Variants in EML6 observed in about 807,000 individuals in gnomAD.
The protein encoded by EML6 is EMAP like 6.
Under a neutral mutation model 240.1 loss-of-function variants are expected in EML6, and 154 were observed. The ratio of observed to expected loss-of-function variants is 0.64; its 90% CI spans 0.56 to 0.73. The LOEUF (loss-of-function observed/expected upper bound fraction) is 0.73, where lower values mean the gene tolerates loss of function less well. Among genes scored for constraint, EML6 ranks in the 30% least tolerant of loss-of-function variants. EML6 has a pLI of 0.00. For missense variants in EML6, 2,964 were observed against 2,474.6 expected, an observed-to-expected ratio of 1.20 and a Z score of -4.20; for synonymous variants, 1,148 against 899.0, an observed-to-expected ratio of 1.28 and a Z score of -4.95.
In EML6 at chr2:54,964,109, A is replaced by T; in HGVS notation, c.5281A>T (p.Lys1761Ter). The part of the protein sequence containing the change: ...EFVILLVNSL[K>*]VWGKKRDRKS... ...TGTCATCTTGTTGGTGAACAGCCTG[A>T]AAGTTTGGGGGAAAAAACGAGACCG... The change falls in exon 37 of 42, where the codon AAA becomes TAA. Residue 1761 changes from lysine to a stop codon, truncating the protein, a stop_gained. Coordinates refer to ENST00000356458, the MANE Select transcript of EML6 (RefSeq NM_001039753.4). LOFTEE classifies it high-confidence loss of function. The T allele has an allele frequency of 6.4e-7, 1 of 1,551,728 alleles. No individual in the cohort carries two copies. The highest frequency in any genetic ancestry group is 2.0e-5 in the Admixed American group (1 of 51,008).
chr2:54,962,683 C>G lies in EML6; in HGVS notation c.5129C>G (p.Thr1710Arg). 6.6e-7 allele frequency: 1 copy of G among 1,505,648 alleles called. No homozygotes were observed. The highest frequency in any genetic ancestry group is 1.3e-5 in the South Asian group (1 of 76,576). The allele number at this position is 1,505,648 out of a possible 1,614,324, so 93.3% of individuals were successfully genotyped here. A position where few individuals can be genotyped will look rare whatever the true frequency, so the allele number is the denominator to read the frequency against. Residue 1710 changes from threonine (T) to arginine (R), a missense_variant, in exon 36 of 42, where the codon ACA (threonine) becomes AGA (arginine). By Grantham distance (71) the Thr-to-Arg change is moderately conservative. Transcript: ENST00000356458. ...DLFISASNDG[T>R]ARIWDLADKK... The stretch of plus-strand genomic sequence containing the variant: ...TTCATCTCTGCCAGCAACGATGGCA[C>G]AGCCCGGATCTGGGACCTGGCTGAC...
chr2:54,920,025 C>G (rs1322372577), intron 26 of EML6, among the ~76,000 whole-genome samples: 2 of 152,088 alleles, frequency 1.3e-5, no homozygotes, highest in Admixed American at 6.5e-5. Context: ...CTAATAGAAA[C>G]CCACAACCTA....
chr2:54,945,977 A>G (rs1391830286), intron 28 of EML6, among the ~76,000 whole-genome samples: 1 of 152,202 alleles, frequency 6.6e-6, no homozygotes, highest in East Asian at 1.9e-4. Flanking sequence ...ACTGAAGAGC[A>G]GGGCCGACTT....
chr2:54,813,073 A>G (rs1309852918), intron 2 of EML6, among the ~76,000 whole-genome samples, 159 bp from the exon 3 acceptor site: 6 of 152,220 alleles, frequency 3.9e-5, no homozygotes, highest in African/African-American at 1.4e-4. Flanking sequence ...TGAACATTTC[A>G]ATTAGTCAAA....
chr2:54,891,711 T>G (rs1672476473), intron 18 of EML6, among the ~76,000 whole-genome samples: 1 of 152,218 alleles, frequency 6.6e-6, no homozygotes, highest in Non-Finnish European at 1.5e-5. Context: ...TCAGCTTTGG[T>G]GCCAAGCCCT....
At chr2:54,825,782 C>T (rs543116389) in intron 5 of EML6, among the ~76,000 whole-genome samples, 32 of 152,250 alleles carry the variant, frequency 2.1e-4, no homozygotes, top group African/African-American at 7.2e-4. Flanking sequence ...ATCCTGGCCA[C>T]CTTGGGGGTA....
At chr2:54,802,469 AT>A (rs1397995447) in intron 2 of EML6, among the ~76,000 whole-genome samples, 1 of 151,930 alleles carries the variant, frequency 6.6e-6, no homozygotes, top group Non-Finnish European at 1.5e-5. Context: ...CTACAAAAAA[AT>A]AAAAAAATTA....
At chr2:54,950,414 A>G (rs1675914563) in intron 29 of EML6, among the ~76,000 whole-genome samples, 1 of 152,234 alleles carries the variant, frequency 6.6e-6, no homozygotes, top group African/African-American at 2.4e-5. Flanking sequence ...GGTTTTTTGG[A>G]AAGTCATGGT....
At chr2:54,744,944 A>G (rs909689425) in intron 2 of EML6, among the ~76,000 whole-genome samples, 21 of 131,802 alleles carry the variant, frequency 1.6e-4, no homozygotes, top group African/African-American at 5.0e-4. Flanking sequence ...ACACACACAC[A>G]CACACACACA....
intron 18 of EML6, 81 bp downstream of exon 18, chr2:54,891,235 C>G: frequency 3.0e-6 from 2 of 661,906 alleles, no homozygotes; most frequent in South Asian, 2.5e-5. Flanking sequence ...ACTGTTGCTA[C>G]TACCTCGCTT....
chr2:54,924,650 C>T (rs1001631681), intron 26 of EML6, among the ~76,000 whole-genome samples: 1 of 152,186 alleles, frequency 6.6e-6, no homozygotes, highest in Non-Finnish European at 1.5e-5. Flanking sequence ...CAACCTCTGT[C>T]TCCTGGGTTC....
At chr2:54,925,677 C>T (rs999058821) in intron 26 of EML6, among the ~76,000 whole-genome samples, 1 of 152,178 alleles carries the variant, frequency 6.6e-6, no homozygotes, top group Admixed American at 6.5e-5. Context: ...CACCTTGTCC[C>T]AACCTCCATG....
intron 10 of EML6, among the ~76,000 whole-genome samples, chr2:54,852,799 A>C (rs897468352): frequency 6.6e-6 from 1 of 152,204 alleles, no homozygotes; most frequent in African/African-American, 2.4e-5. Flanking sequence ...CTGAGAGAGA[A>C]GTTAGGTAAT....
intron 15 of EML6, 44 bp downstream of exon 15, chr2:54,869,411 T>A: frequency 7.2e-7 from 1 of 1,395,776 alleles, no homozygotes; most frequent in Non-Finnish European, 9.7e-7. Context: ...AAAGAGAATT[T>A]AATTTTTGAA....
In EML6 at chr2:54,827,583, A is replaced by C; in HGVS notation, c.543A>C (p.Gly181=). 1 of 1,551,652 alleles carries C rather than the reference A, an allele frequency of 6.4e-7. No individual in the cohort carries two copies. The change falls in exon 6 of 42, where the codon GGA becomes GGC. Residue 181 remains glycine, a synonymous_variant. Coordinates refer to ENST00000356458, the MANE Select transcript of EML6 (RefSeq NM_001039753.4). ...CATTGTAGTTTTGGACACTGTGTGG[A>C]AATGCCCTGACTGCAAAAAGAGGGA... ...VKHIKFWTLC[G]NALTAKRGIF...
Position 54,970,984 on chromosome 2 carries a change from A to T in EML6, c.*889A>T, listed in dbSNP as rs917526433. On this transcript the variant is annotated 3_prime_UTR_variant, in exon 42 of 42. Coordinates refer to ENST00000356458, the MANE Select transcript of EML6 (RefSeq NM_001039753.4). ...TAGAATTCAAGTTAAACAAACTTCT[A>T]CTACAAAATGGAAGGGGAAAAAGGC... 1 of 152,252 alleles carries T rather than the reference A, an allele frequency of 6.6e-6. No homozygotes were observed. Among genetic ancestry groups the T allele is most frequent in the Non-Finnish European group, 1.5e-5 (1 of 68,044 alleles). The allele number at this position is 152,252 out of a possible 1,614,324, so 9.4% of individuals were successfully genotyped here.
At chr2:54,957,131 A>C (rs1393609437) in intron 32 of EML6, among the ~76,000 whole-genome samples, 1 of 152,170 alleles carries the variant, frequency 6.6e-6, no homozygotes, top group Non-Finnish European at 1.5e-5. Flanking sequence ...CTTACAGGTA[A>C]GGAAACTAAA....
intron 2 of EML6, among the ~76,000 whole-genome samples, chr2:54,743,182 G>C (rs545037030): frequency 6.6e-6 from 1 of 152,336 alleles, no homozygotes; most frequent in South Asian, 2.1e-4. Flanking sequence ...ACCAGCCCTG[G>C]ACAGGACGCA....
At chr2:54,834,291 CT>C (rs1669021473) in intron 7 of EML6, among the ~76,000 whole-genome samples, 1 of 152,164 alleles carries the variant, frequency 6.6e-6, no homozygotes, top group African/African-American at 2.4e-5. Context: ...AGTCTGATCA[CT>C]TTTAAAACAC....
Sources: allele counts gnomAD v4.1 joint callset (sites outside exome capture counted in the v4.1 genomes callset), GRCh38; gene constraint gnomAD v4.1.1; transcripts MANE v1.5; gene names NCBI Gene and HGNC (gene_info 2026-07-23, HGNC 2026-07-21).